BCAS3: variants seen among roughly 807,000 people sequenced by gnomAD.
The protein encoded by BCAS3 is BCAS4/BCAS3 fusion.
A neutral mutation model predicts 116.1 loss-of-function variants in BCAS3; 53 were observed. The observed-to-expected ratio is 0.46, with a 90% CI of 0.37 to 0.57. BCAS3 has a LOEUF of 0.57. BCAS3 is among the 20% of genes least tolerant of loss of function. BCAS3 has a pLI of 0.00. For missense variants in BCAS3, 917 were observed against 1,165.4 expected, an observed-to-expected ratio of 0.79 and a Z score of 3.10; for synonymous variants, 391 against 408.2, an observed-to-expected ratio of 0.96 and a Z score of 0.51.
At chr17:61,127,092 T>C (rs2076085200) in intron 22 of BCAS3, among the ~76,000 whole-genome samples, 1 of 152,178 alleles carries the variant, frequency 6.6e-6, no homozygotes, top group Non-Finnish European at 1.5e-5. Context: ...TCTCTTCCAC[T>C]TCACTACCAG....
chr17:60,786,723 T>C (rs939659348), intron 6 of BCAS3, among the ~76,000 whole-genome samples: 6 of 152,122 alleles, frequency 3.9e-5, no homozygotes, highest in African/African-American at 1.2e-4. Context: ...AGTTCAGCAA[T>C]TGAAATGAAA....
intron 22 of BCAS3, among the ~76,000 whole-genome samples, chr17:61,267,199 A>ATCTCCTGACCTCAT: frequency 6.7e-6 from 1 of 149,458 alleles, no homozygotes; most frequent in Admixed American, 6.6e-5. Context: ...CTGGGACTAC[A>ATCTCCTGACCTCAT]GGCATCTGCC....
intron 6 of BCAS3, chr17:60,748,889 A>G (rs759391857): frequency 2.6e-5 from 4 of 152,210 alleles, no homozygotes; most frequent in Non-Finnish European, 4.4e-5. Context: ...TGATTTGAAC[A>G]AATTACTTGT....
At chr17:61,179,445 T>C (rs1473941849) in intron 22 of BCAS3, among the ~76,000 whole-genome samples, 2 of 152,182 alleles carry the variant, frequency 1.3e-5, no homozygotes, top group Non-Finnish European at 2.9e-5. Flanking sequence ...AAAGCCCCAG[T>C]AGACAGGCTA....
At position 60,992,189 on chromosome 17, in the gene BCAS3, TACACACACACACACACACACAC is replaced by T. The variant is rs576760115; in HGVS notation, c.1486+1975_1486+1996del. Reference sequence around the variant, plus strand: ...CATTCTTTCGTAGTATCCGATGACTTACACACACACACACACACACACACACACACACACACACACACTCTGT... The same window carrying T: ...CATTCTTTCGTAGTATCCGATGACTTACACACACACACACACACACTCTGT... On this transcript the variant is annotated intron_variant, in intron 15 of 23. Transcript: ENST00000407086. Among the ~76,000 whole-genome samples the T allele has an allele frequency of 4.6e-5, 6 of 130,728 alleles. No homozygotes were observed. In the East Asian group the frequency reaches 1.3e-3, roughly 29 times the overall value. The allele number at this position is 130,728 out of a possible 152,430, so 85.8% of individuals were successfully genotyped here.
chr17:61,124,341 A>G lies in BCAS3; in HGVS notation c.2425+39777A>G, dbSNP rs1043828488. ...TTTCCTGGTATCTCGAGCCACCAAG[A>G]TATAGCTTTTACTTGATCTGAATTT... On this transcript the variant is annotated intron_variant, in intron 22 of 23. Coordinates refer to ENST00000407086, the MANE Select transcript of BCAS3 (RefSeq NM_017679.5). The surrounding 1 kb of genome is among the most constrained non-coding windows in gnomAD (Gnocchi z 4.6). Among the ~76,000 whole-genome samples the G allele has an allele frequency of 5.3e-5, 8 of 152,120 alleles. No homozygotes were observed. Among genetic ancestry groups the G allele is most frequent in the African/African-American group, 1.9e-4 (8 of 41,426 alleles).
chr17:60,888,370 C>T (rs1364557057), intron 9 of BCAS3, among the ~76,000 whole-genome samples: 1 of 152,020 alleles, frequency 6.6e-6, no homozygotes, highest in Non-Finnish European at 1.5e-5. Context: ...AATGTAACAC[C>T]ACTGTTCACA....
intron 6 of BCAS3, among the ~76,000 whole-genome samples, chr17:60,794,290 G>A (rs2047027111): frequency 6.6e-6 from 1 of 152,124 alleles, no homozygotes; most frequent in African/African-American, 2.4e-5. Context: ...GTTCGTTGTA[G>A]ATTCTGGATA....
chr17:60,688,812 T>G (rs1045597491), intron 3 of BCAS3: 1 of 147,250 alleles, frequency 6.8e-6, no homozygotes, highest in South Asian at 2.1e-4. Context: ...TGAGACTCTG[T>G]CTCAAAAAAA....
rs186030421 is a variant in BCAS3, at chr17:61,023,200, A to T, written c.1637+7299A>T. Among the ~76,000 whole-genome samples, 124 of 152,362 alleles carry T rather than the reference A, an allele frequency of 8.1e-4. 1 individual carries two copies. Among genetic ancestry groups the T allele is most frequent in the Admixed American group, 8.1e-3 (124 of 15,306 alleles). On this transcript the variant is annotated intron_variant, in intron 16 of 23. Coordinates refer to ENST00000407086, the MANE Select transcript of BCAS3 (RefSeq NM_017679.5). The surrounding 1 kb of genome is among the most constrained non-coding windows in gnomAD (Gnocchi z 4.8). ...CAGTTGTTGTTTTAACAGAGGGCAC[A>T]CAGAATTTAGAAGTCATTAGCATCC...
rs1017251599 is a variant in BCAS3, at chr17:61,068,431, G to C, written c.2030-6489G>C. Among the ~76,000 whole-genome samples, 1 of 152,082 alleles carries C rather than the reference G, an allele frequency of 6.6e-6. No individual in the cohort carries two copies. Among genetic ancestry groups the C allele is most frequent in the African/African-American group, 2.4e-5 (1 of 41,400 alleles). Reference sequence around the variant, plus strand: ...TTTCCCCACCAGATCATTGGCCATTGGTTCATATAGGTCTCTGCAGCATCC... The same window carrying C: ...TTTCCCCACCAGATCATTGGCCATTCGTTCATATAGGTCTCTGCAGCATCC... On this transcript the variant is annotated intron_variant, in intron 19 of 23. Transcript: ENST00000407086. The surrounding 1 kb of genome is among the most constrained non-coding windows in gnomAD (Gnocchi z 4.3).
chr17:61,156,918 TA>T lies in BCAS3; in HGVS notation c.2425+72362del, dbSNP rs564376229. Among the ~76,000 whole-genome samples the T allele has an allele frequency of 4.6e-5, 7 of 151,842 alleles. No homozygotes were observed. Among genetic ancestry groups the T allele is most frequent in the African/African-American group, 9.7e-5 (4 of 41,330 alleles). The stretch of plus-strand genomic sequence containing the variant: ...ATTATTTTTCCTTTGAAACAACACT[TA>T]AAAAAAACAAATTCTACAACATTTA... On this transcript the variant is annotated intron_variant, in intron 22 of 23. Coordinates refer to ENST00000407086, the MANE Select transcript of BCAS3 (RefSeq NM_017679.5). The surrounding 1 kb of genome is among the most constrained non-coding windows in gnomAD (Gnocchi z 4.7).
chr17:61,370,220 G>A (rs1203973437), intron 23 of BCAS3, among the ~76,000 whole-genome samples: 1 of 151,718 alleles, frequency 6.6e-6, no homozygotes, highest in Non-Finnish European at 1.5e-5. Context: ...AGAAAAAAAG[G>A]TAGAGGAAAT....
At chr17:61,133,988 A>T (rs1043646907) in intron 22 of BCAS3, among the ~76,000 whole-genome samples, 1 of 152,172 alleles carries the variant, frequency 6.6e-6, no homozygotes, top group Non-Finnish European at 1.5e-5. Context: ...CCAAGGAGCA[A>T]TGGAGCAGAG....
intron 5 of BCAS3, among the ~76,000 whole-genome samples, chr17:60,715,340 T>C (rs2144050700): frequency 6.6e-6 from 1 of 152,104 alleles, no homozygotes; most frequent in Middle Eastern, 3.4e-3. Flanking sequence ...TTTCACCATG[T>C]TGGCCAGGCT....
intron 22 of BCAS3, among the ~76,000 whole-genome samples, chr17:61,358,500 A>ATTTTT (rs71150608): frequency 1.5e-5 from 2 of 130,908 alleles, no homozygotes; most frequent in Admixed American, 8.1e-5. Context: ...CACGTTTTTA[A>ATTTTT]TTTTTTTTTT....
intron 14 of BCAS3, among the ~76,000 whole-genome samples, chr17:60,983,646 G>A (rs1386382993): frequency 6.6e-6 from 1 of 152,074 alleles, no homozygotes; most frequent in Non-Finnish European, 1.5e-5. Context: ...TATATCCTGA[G>A]TAGTCTAAAA....
At chr17:60,823,141 A>G (rs539489666) in intron 7 of BCAS3, among the ~76,000 whole-genome samples, 1 of 152,286 alleles carries the variant, frequency 6.6e-6, no homozygotes, top group African/African-American at 2.4e-5. Context: ...TTAAAACAAA[A>G]AGTTTTGCTT....
rs1477599071 is a variant in BCAS3 at position 60,964,485 on chromosome 17, C to CTGTA, written c.1221+17134_1221+17137dup. Among the ~76,000 whole-genome samples the CTGTA allele has an allele frequency of 6.6e-6, 1 of 152,088 alleles. No homozygotes were observed. Among genetic ancestry groups the CTGTA allele is most frequent in the Non-Finnish European group, 1.5e-5 (1 of 68,030 alleles). ...ATATATGTTCATCACGGATATTGGC[C>CTGTA]TGTAGTTTTCTTTTCTTGTTGTCGT... On this transcript the variant is annotated intron_variant, in intron 14 of 23. Transcript: ENST00000407086. The surrounding 1 kb of genome is among the most constrained non-coding windows in gnomAD (Gnocchi z 4.6).
Sources: gnomAD v4.1 joint callset for allele counts (sites outside exome capture counted in the v4.1 genomes callset) on GRCh38, gnomAD v4.1.1 for gene constraint, Gnocchi (gnomAD v3.1) non-coding constraint, MANE v1.5 for transcripts, NCBI Gene and HGNC (gene_info 2026-07-23, HGNC 2026-07-21) for gene names.